Variants in ADK observed in about 807,000 individuals in gnomAD.
The protein encoded by ADK is N6,N6-dimethyladenosine kinase.
A neutral mutation model predicts 44.7 loss-of-function variants in ADK; 24 were observed. The ratio of observed to expected loss-of-function variants is 0.54; its 90% CI spans 0.39 to 0.76. The LOEUF is 0.76. Ranked by LOEUF, ADK falls within the 30% of genes least tolerant of loss-of-function variation. The pLI is 0.00. For synonymous variants in ADK, 128 were observed against 142.6 expected, an observed-to-expected ratio of 0.90 and a Z score of 0.73; for missense variants, 321 against 425.1, an observed-to-expected ratio of 0.76 and a Z score of 2.15.
intron 2 of ADK, among the ~76,000 whole-genome samples, chr10:74,214,852 CTT>C (rs747739049): frequency 2.0e-5 from 3 of 152,160 alleles, no homozygotes; most frequent in African/African-American, 4.8e-5. Flanking sequence ...GCGCTGGACA[CTT>C]TTTGTGTAAT....
chr10:74,694,152 T>TTTTTA (rs1337848251), intron 10 of ADK, among the ~76,000 whole-genome samples: 20 of 143,250 alleles, frequency 1.4e-4, no homozygotes, highest in Admixed American at 2.8e-4. Flanking sequence ...AACACATTTT[T>TTTTTA]TTTTTTTTTT....
chr10:74,653,179 C>T (rs144666981), intron 9 of ADK, among the ~76,000 whole-genome samples: 3 of 152,086 alleles, frequency 2.0e-5, no homozygotes, highest in East Asian at 1.9e-4. Context: ...GGGCTGAGTG[C>T]GGTGGCTCAG....
At chr10:74,392,302 T>C (rs1320135088) in intron 4 of ADK, among the ~76,000 whole-genome samples, 1 of 152,230 alleles carries the variant, frequency 6.6e-6, no homozygotes, top group Non-Finnish European at 1.5e-5. Context: ...GTTCATTCAC[T>C]TCTCCACATT....
chr10:74,445,933 A>G (rs1202602676), intron 6 of ADK, among the ~76,000 whole-genome samples: 4 of 152,060 alleles, frequency 2.6e-5, no homozygotes, highest in Non-Finnish European at 5.9e-5. Context: ...AAATACATAA[A>G]TGGATGTTAT....
intron 1 of ADK, among the ~76,000 whole-genome samples, chr10:74,176,001 G>A (rs1028301119): frequency 6.6e-6 from 1 of 151,620 alleles, no homozygotes; most frequent in African/African-American, 2.4e-5. Context: ...TTTATAGCCC[G>A]CATGCTTCTT....
intron 7 of ADK, among the ~76,000 whole-genome samples, chr10:74,525,951 G>A (rs60369786): frequency 0.03 from 4,511 of 152,038 alleles, 189 homozygotes; most frequent in African/African-American, 0.091. Context: ...CACTGTGCCC[G>A]GCCCAACATT....
chr10:74,511,646 A>G (rs1432530430), intron 6 of ADK, among the ~76,000 whole-genome samples: 1 of 152,028 alleles, frequency 6.6e-6, no homozygotes, highest in Admixed American at 6.5e-5. Context: ...TTGTGTGTTG[A>G]TTTTATATCC....
chr10:74,264,432 A>G (rs1005583629), intron 3 of ADK, among the ~76,000 whole-genome samples: 15 of 152,160 alleles, frequency 9.9e-5, no homozygotes, highest in Non-Finnish European at 2.2e-4. Context: ...TACCTTTTAC[A>G]GTTCTCATCT....
At chr10:74,231,956 T>C (rs1844779904) in intron 3 of ADK, among the ~76,000 whole-genome samples, 1 of 151,884 alleles carries the variant, frequency 6.6e-6, no homozygotes, top group Non-Finnish European at 1.5e-5. Context: ...TGCTTTTTTT[T>C]GTTTGTCTTT....
intron 6 of ADK, among the ~76,000 whole-genome samples, chr10:74,428,611 G>A (rs910826553): frequency 2.0e-5 from 3 of 152,184 alleles, no homozygotes; most frequent in African/African-American, 7.2e-5. Context: ...CAAATGTGGA[G>A]GTTGTGCTAG....
intron 3 of ADK, among the ~76,000 whole-genome samples, chr10:74,262,729 A>G (rs1344370788): frequency 6.6e-6 from 1 of 152,204 alleles, no homozygotes; most frequent in Non-Finnish European, 1.5e-5. Flanking sequence ...ACTTGCTGTC[A>G]TGGGATTTAC....
At chr10:74,339,118 TA>T (rs1378707436) in intron 4 of ADK, among the ~76,000 whole-genome samples, 2 of 152,094 alleles carry the variant, frequency 1.3e-5, no homozygotes, top group African/African-American at 4.8e-5. Context: ...CATGGCTCGC[TA>T]ATTTTTTTAT....
intron 2 of ADK, among the ~76,000 whole-genome samples, chr10:74,206,185 ATAAAG>A (rs1365418094): frequency 2.0e-5 from 3 of 152,254 alleles, no homozygotes; most frequent in African/African-American, 4.8e-5. Context: ...CAAAAGTAAA[ATAAAG>A]TATAGAGACA....
intron 6 of ADK, among the ~76,000 whole-genome samples, chr10:74,486,219 A>C (rs1372906755): frequency 6.6e-6 from 1 of 151,884 alleles, no homozygotes; most frequent in African/African-American, 2.4e-5. Flanking sequence ...CCACACTTGC[A>C]CGCTCTCTCT....
chr10:74,530,184 A>T (rs1849226022), intron 7 of ADK, among the ~76,000 whole-genome samples: 1 of 152,190 alleles, frequency 6.6e-6, no homozygotes, highest in African/African-American at 2.4e-5. Context: ...TAATCTCATC[A>T]TCCATTGTTT....
chr10:74,496,932 G>C (rs566560363), intron 6 of ADK, among the ~76,000 whole-genome samples: 5 of 152,012 alleles, frequency 3.3e-5, no homozygotes, highest in African/African-American at 1.2e-4. Context: ...TGCCTTTACA[G>C]CAGTCCAAAC....
chr10:74,694,147 ATTT>A (rs10669118), intron 10 of ADK, among the ~76,000 whole-genome samples: 1 of 82,304 alleles, frequency 1.2e-5, no homozygotes, highest in Non-Finnish European at 2.1e-5. Flanking sequence ...TTTCAAACAC[ATTT>A]TTTTTTTTTT....
At chr10:74,665,777 GAGAGACAGAC>G (rs1423712156) in intron 9 of ADK, among the ~76,000 whole-genome samples, 14 of 127,384 alleles carry the variant, frequency 1.1e-4, no homozygotes, top group African/African-American at 4.1e-4. Context: ...GAGAGAGAGA[GAGAGACAGAC>G]AGACAGAAGG....
intron 7 of ADK, among the ~76,000 whole-genome samples, chr10:74,558,524 T>G (rs1334524446): frequency 2.0e-5 from 3 of 152,162 alleles, no homozygotes; most frequent in Non-Finnish European, 4.4e-5. Context: ...CTGCTCGTGC[T>G]CTCTGTCTCT....
Sources: gnomAD v4.1 joint callset for allele counts (sites outside exome capture counted in the v4.1 genomes callset) on GRCh38, gnomAD v4.1.1 for gene constraint, MANE v1.5 for transcripts, NCBI Gene and HGNC (gene_info 2026-07-23, HGNC 2026-07-21) for gene names.